The following CTNNA3 variants were observed in gnomAD, a reference collection of about 807,000 sequenced individuals.
The protein encoded by CTNNA3 is catenin alpha-3.
Under a neutral mutation model 95.7 loss-of-function variants are expected in CTNNA3, and 76 were observed. That is an observed-to-expected ratio of 0.79 (90% CI 0.66 to 0.96). The LOEUF (loss-of-function observed/expected upper bound fraction) is 0.96. CTNNA3 is among the 40% of genes least tolerant of loss of function. The pLI is 0.00. For synonymous variants in CTNNA3, 431 were observed against 374.4 expected (o/e 1.15, Z -1.74); for missense variants, 1,191 against 1,089.8 (o/e 1.09, Z -1.31).
chr10:67,242,093 T>A (rs2132334065), intron 5 of CTNNA3, among the ~76,000 whole-genome samples: 1 of 152,316 alleles, frequency 6.6e-6, no homozygotes, highest in South Asian at 2.1e-4. Context: ...AGAATATATA[T>A]TTCAGGCATA....
intron 5 of CTNNA3, among the ~76,000 whole-genome samples, chr10:67,342,128 G>GTCTCACTC (rs1248630515): frequency 1.7e-4 from 19 of 114,404 alleles, no homozygotes; most frequent in Non-Finnish European, 2.7e-4. Context: ...TTTAGACAGA[G>GTCTCACTC]TCTCACTCTG....
At chr10:67,518,183 T>C (rs1348646252) in intron 5 of CTNNA3, among the ~76,000 whole-genome samples, 1 of 152,130 alleles carries the variant, frequency 6.6e-6, no homozygotes, top group Non-Finnish European at 1.5e-5. Context: ...CTCTAATCAC[T>C]GTACTACATG....
At chr10:65,929,486 A>C (rs2077217374) in intron 17 of CTNNA3, among the ~76,000 whole-genome samples, 1 of 152,206 alleles carries the variant, frequency 6.6e-6, no homozygotes, top group African/African-American at 2.4e-5. Context: ...ATTGTTTATT[A>C]AGATTTAATG....
At chr10:66,166,742 T>A (rs1254604316) in intron 13 of CTNNA3, among the ~76,000 whole-genome samples, 1 of 148,224 alleles carries the variant, frequency 6.7e-6, no homozygotes, top group East Asian at 2.0e-4. Flanking sequence ...AATTAACTAT[T>A]ATAACAGCAA....
chr10:66,218,947 G>T (rs2088732579), intron 13 of CTNNA3, among the ~76,000 whole-genome samples: 1 of 152,076 alleles, frequency 6.6e-6, no homozygotes, highest in African/African-American at 2.4e-5. Context: ...AAACTTCCTA[G>T]GAACAAAGAC....
At chr10:66,773,277 C>A (rs1345213250) in intron 8 of CTNNA3, among the ~76,000 whole-genome samples, 2 of 152,152 alleles carry the variant, frequency 1.3e-5, no homozygotes, top group African/African-American at 4.8e-5. Context: ...TCTGCCTACT[C>A]CTATTGAACT....
intron 16 of CTNNA3, among the ~76,000 whole-genome samples, chr10:65,968,883 C>T (rs769122263): frequency 2.6e-5 from 4 of 152,176 alleles, no homozygotes; most frequent in Non-Finnish European, 4.4e-5. Context: ...GCTTCAGCAC[C>T]GGTGCTCATG....
intron 5 of CTNNA3, among the ~76,000 whole-genome samples, chr10:67,498,856 A>C (rs1346885126): frequency 6.6e-6 from 1 of 152,128 alleles, no homozygotes; most frequent in East Asian, 1.9e-4. Context: ...GGGTTTTCTA[A>C]ATATACAATC....
intron 7 of CTNNA3, among the ~76,000 whole-genome samples, chr10:66,942,147 G>A (rs1374698270): frequency 6.6e-6 from 1 of 152,142 alleles, no homozygotes; most frequent in East Asian, 1.9e-4. Context: ...GGCACAGCAG[G>A]TGTCAGTAAA....
chr10:67,310,527 C>A (rs193168695), intron 5 of CTNNA3, among the ~76,000 whole-genome samples: 1 of 152,242 alleles, frequency 6.6e-6, no homozygotes, highest in East Asian at 1.9e-4. Flanking sequence ...CCATATTAGT[C>A]CGTTCTCATG....
intron 13 of CTNNA3, among the ~76,000 whole-genome samples, chr10:66,160,585 C>A (rs1054185183): frequency 6.6e-6 from 1 of 151,934 alleles, no homozygotes; most frequent in Non-Finnish European, 1.5e-5. Context: ...TATTGAGGCT[C>A]ATTTTATGGC....
chr10:67,016,226 A>G (rs1294688944), intron 7 of CTNNA3, among the ~76,000 whole-genome samples: 2 of 152,208 alleles, frequency 1.3e-5, no homozygotes, highest in Non-Finnish European at 2.9e-5. Context: ...CAACTGACCA[A>G]GTAGTACAAT....
chr10:66,403,204 A>G (rs1039130109), intron 11 of CTNNA3, among the ~76,000 whole-genome samples: 1 of 152,158 alleles, frequency 6.6e-6, no homozygotes, highest in African/African-American at 2.4e-5. Context: ...GCCATCAAGG[A>G]GATCAGGATT....
intron 1 of CTNNA3, among the ~76,000 whole-genome samples, chr10:67,702,864 C>T (rs1008305608): frequency 6.6e-6 from 1 of 151,774 alleles, no homozygotes; most frequent in Admixed American, 6.6e-5. Context: ...ATCAACAAAA[C>T]TGATAGACCG....
chr10:66,748,869 T>C (rs1838999047), intron 9 of CTNNA3, among the ~76,000 whole-genome samples: 1 of 151,604 alleles, frequency 6.6e-6, no homozygotes, highest in South Asian at 2.1e-4. Context: ...AAGTCCATAG[T>C]TTACATAAAG....
chr10:65,973,613 C>A (rs2078153004), intron 16 of CTNNA3, among the ~76,000 whole-genome samples: 1 of 152,044 alleles, frequency 6.6e-6, no homozygotes, highest in South Asian at 2.1e-4. Flanking sequence ...GTTTAATTGG[C>A]TCGTGGTTCT....
At chr10:67,742,885 T>A (rs1841350566) in intron 1 of CTNNA3, among the ~76,000 whole-genome samples, 1 of 151,236 alleles carries the variant, frequency 6.6e-6, no homozygotes, top group Admixed American at 6.6e-5. Context: ...TCTACACAAA[T>A]AAACTAGAAA....
chr10:67,342,147 G>A (rs1842228404), intron 5 of CTNNA3, among the ~76,000 whole-genome samples: 1 of 124,972 alleles, frequency 8.0e-6, no homozygotes, highest in African/African-American at 2.8e-5. Context: ...TGTCGCCCAG[G>A]CTGGAGTGCA....
chr10:66,862,219 G>T (rs74663311), intron 7 of CTNNA3, among the ~76,000 whole-genome samples: 3,140 of 151,714 alleles, frequency 0.021, 107 homozygotes, highest in African/African-American at 0.071. Flanking sequence ...GTCTCAAAAA[G>T]AAAAAAACAA....
Sources: gnomAD v4.1 joint callset for allele counts (sites outside exome capture counted in the v4.1 genomes callset) on GRCh38, gnomAD v4.1.1 for gene constraint, MANE v1.5 for transcripts, NCBI Gene and HGNC (gene_info 2026-07-23, HGNC 2026-07-21) for gene names.